Variants in SEMA3E observed in about 807,000 individuals in gnomAD.
The protein encoded by SEMA3E is semaphorin 3E.
SEMA3E carries 49 observed loss-of-function variants against 93.6 expected under a neutral mutation model. The ratio of observed to expected loss-of-function variants is 0.52; its 90% CI spans 0.42 to 0.66. SEMA3E has a LOEUF of 0.66. Among genes scored for constraint, SEMA3E ranks in the 30% least tolerant of loss-of-function variants. The pLI is 0.00. For synonymous variants in SEMA3E, 363 were observed against 330.7 expected, an observed-to-expected ratio of 1.10 and a Z score of -1.06; for missense variants, 906 against 964.8, an observed-to-expected ratio of 0.94 and a Z score of 0.81.
chr7:83,599,872 G>A (rs749464281), intron 1 of SEMA3E, among the ~76,000 whole-genome samples: 6 of 152,164 alleles, frequency 3.9e-5, no homozygotes, highest in Non-Finnish European at 8.8e-5. Context: ...TTAAAAGACC[G>A]TGTTTGAAAT....
At chr7:83,469,138 T>C in intron 3 of SEMA3E, 105 bp downstream of exon 3, 2 of 890,080 alleles carry the variant, frequency 2.2e-6, no homozygotes, top group East Asian at 2.5e-5. Flanking sequence ...CCAAATTGCA[T>C]ACATACTTTT....
intron 1 of SEMA3E, among the ~76,000 whole-genome samples, chr7:83,492,724 A>G (rs533051630): frequency 7.4e-6 from 1 of 135,696 alleles, no homozygotes; most frequent in South Asian, 2.3e-4. Flanking sequence ...TTATATATAT[A>G]TGTACACACA....
Position 83,532,655 on chromosome 7 carries a change from C to G in SEMA3E, c.116-42381G>C, listed in dbSNP as rs1024745131. Among the ~76,000 whole-genome samples, 10 of 151,646 alleles carry G rather than the reference C, an allele frequency of 6.6e-5. No homozygotes were observed. The South Asian group carries it at 2.1e-3, about 32-fold the overall frequency. On this transcript the variant is annotated intron_variant, in intron 1 of 16. Transcript: ENST00000643230. ...GTGCTTACTCTTTCTGACTTATTCTCTCAATACTTCAATTTAATAAGCAAC... is the reference window on the plus strand; with the variant it reads ...GTGCTTACTCTTTCTGACTTATTCTGTCAATACTTCAATTTAATAAGCAAC...
intron 1 of SEMA3E, among the ~76,000 whole-genome samples, chr7:83,593,260 G>GTCTCTCTCTCTGTC (rs1792791051): frequency 1.0e-5 from 1 of 96,338 alleles, no homozygotes; most frequent in African/African-American, 4.7e-5. Flanking sequence ...CTCTCTCTCT[G>GTCTCTCTCTCTGTC]TCTCTCTCTC....
At chr7:83,639,857 T>C (rs1448583150) in intron 1 of SEMA3E, among the ~76,000 whole-genome samples, 2 of 151,860 alleles carry the variant, frequency 1.3e-5, no homozygotes, top group Non-Finnish European at 2.9e-5. Flanking sequence ...GTTTCAGAAG[T>C]GTTTTGGAGA....
intron 1 of SEMA3E, among the ~76,000 whole-genome samples, chr7:83,610,490 T>C (rs1793229006): frequency 2.6e-5 from 4 of 152,154 alleles, no homozygotes; most frequent in Admixed American, 2.6e-4. Flanking sequence ...CAACTATGAA[T>C]GGTCTACTAC....
In SEMA3E at chr7:83,490,186, C is replaced by T. The variant is rs745373446; in HGVS notation, c.204G>A (p.Glu68=). The T allele has an allele frequency of 2.5e-6, 4 of 1,613,152 alleles. No individual in the cohort carries two copies. Among genetic ancestry groups the T allele is most frequent in the Non-Finnish European group, 3.4e-6 (4 of 1,179,466 alleles). The part of the protein sequence containing the change: ...LHTMLLDEYQ[E]RLFVGGRDLV... ...GGTCCCTGCCTCCCACGAAGAGCCT[C>T]TCTTGATATTCATCCAGCAGCATTG... The change falls in exon 2 of 17, where the codon GAG becomes GAA. Residue 68 remains glutamate, a synonymous_variant. Coordinates refer to ENST00000643230, the MANE Select transcript of SEMA3E (RefSeq NM_012431.3).
At chr7:83,634,373 A>G (rs562556691) in intron 1 of SEMA3E, among the ~76,000 whole-genome samples, 21 of 152,078 alleles carry the variant, frequency 1.4e-4, no homozygotes, top group Non-Finnish European at 2.8e-4. Flanking sequence ...TTTAAATTAG[A>G]GATAATTCAG....
rs2116886892 is a variant in SEMA3E at position 83,364,227 on chromosome 7, T to C, written c.*3359A>G. 1 of 152,330 alleles carries C rather than the reference T, an allele frequency of 6.6e-6. No homozygotes were observed. The highest frequency in any genetic ancestry group is 1.9e-4 in the East Asian group (1 of 5,172). 9.4% of individuals were successfully genotyped at this position (152,330 alleles called of 1,614,324 possible). On this transcript the variant is annotated 3_prime_UTR_variant, in exon 17 of 17. Coordinates refer to ENST00000643230, the MANE Select transcript of SEMA3E (RefSeq NM_012431.3). ...TCATTTTTAAGGACAACAGCTGCTG[T>C]TTGTTTCATGCTTAACACCAACACT...
intron 1 of SEMA3E, among the ~76,000 whole-genome samples, chr7:83,491,314 T>A (rs924468846): frequency 3.9e-5 from 6 of 152,144 alleles, no homozygotes; most frequent in African/African-American, 1.4e-4. Context: ...CCTCAAACTG[T>A]TGATGCCCAA....
chr7:83,408,607 G>T, intron 5 of SEMA3E, 120 bp from the exon 6 acceptor site: 2 of 1,124,588 alleles, frequency 1.8e-6, no homozygotes, highest in Non-Finnish European at 2.6e-6. Flanking sequence ...TACTATTGCT[G>T]TTAGGAGCAT....
intron 1 of SEMA3E, among the ~76,000 whole-genome samples, chr7:83,504,091 C>T (rs1275237410): frequency 6.6e-6 from 1 of 152,172 alleles, no homozygotes; most frequent in African/African-American, 2.4e-5. Flanking sequence ...AGTTTGCAAT[C>T]TGACATCTGA....
intron 4 of SEMA3E, among the ~76,000 whole-genome samples, chr7:83,434,974 A>G (rs1245401573): frequency 6.6e-6 from 1 of 151,806 alleles, no homozygotes; most frequent in Admixed American, 6.6e-5. Context: ...CGGCCTCCCA[A>G]AGTGCTGGGA....
intron 1 of SEMA3E, among the ~76,000 whole-genome samples, chr7:83,606,879 G>C (rs1284163821): frequency 6.6e-6 from 1 of 151,932 alleles, no homozygotes; most frequent in African/African-American, 2.4e-5. Flanking sequence ...AATGAGATTT[G>C]CTAAAGTGAA....
At chr7:83,466,414 G>A in intron 4 of SEMA3E, 68 bp downstream of exon 4, 1 of 1,566,044 alleles carries the variant, frequency 6.4e-7, no homozygotes. Context: ...AAATGCTGTA[G>A]TCTTTCTTTG....
In SEMA3E at chr7:83,387,077, G is replaced by A. The variant is rs367803374; in HGVS notation, c.1668-27C>T. 264 of 1,604,934 alleles carry A rather than the reference G, an allele frequency of 1.6e-4. 1 individual carries two copies. Among genetic ancestry groups the A allele is most frequent in the Non-Finnish European group, 2.1e-4 (247 of 1,174,030 alleles). On this transcript the variant is annotated intron_variant, in intron 14 of 16. Transcript: ENST00000643230. ...TGAAAGAAAGTAAATGCATTTAGATGTTCATTTTTTCAATTTTCCAGACTT... is the reference window on the plus strand; with the variant it reads ...TGAAAGAAAGTAAATGCATTTAGATATTCATTTTTTCAATTTTCCAGACTT...
intron 7 of SEMA3E, among the ~76,000 whole-genome samples, chr7:83,406,385 A>G (rs1036036757): frequency 1.5e-4 from 23 of 151,994 alleles, no homozygotes; most frequent in African/African-American, 4.3e-4. Context: ...TACTTTGTTC[A>G]TAAATAATTT....
chr7:83,443,853 T>C (rs1360623347), intron 4 of SEMA3E, among the ~76,000 whole-genome samples: 1 of 151,848 alleles, frequency 6.6e-6, no homozygotes, highest in Admixed American at 6.6e-5. Context: ...TTTAAGGGTC[T>C]AGCAATTAAT....
At chr7:83,537,417 C>G (rs1050880792) in intron 1 of SEMA3E, among the ~76,000 whole-genome samples, 3 of 152,116 alleles carry the variant, frequency 2.0e-5, no homozygotes, top group Non-Finnish European at 1.5e-5. Flanking sequence ...CTTGGGAGCC[C>G]TTTGGTAATG....
Sources: allele counts gnomAD v4.1 joint callset (sites outside exome capture counted in the v4.1 genomes callset), GRCh38; gene constraint gnomAD v4.1.1; transcripts MANE v1.5; gene names NCBI Gene and HGNC (gene_info 2026-07-23, HGNC 2026-07-21).